Variants in CSMD1 observed in about 807,000 individuals in gnomAD.
CSMD1 encodes the protein CUB and sushi domain-containing protein 1.
Under a neutral mutation model 417.5 loss-of-function variants are expected in CSMD1, and 213 were observed. The observed-to-expected ratio is 0.51, with a 90% CI of 0.46 to 0.57. CSMD1 has a LOEUF of 0.57. Among genes scored for constraint, CSMD1 ranks in the 20% least tolerant of loss-of-function variants. CSMD1 has a pLI of 0.00. For missense variants in CSMD1, 6,923 were observed against 4,529.7 expected, an observed-to-expected ratio of 1.53 and a Z score of -15.17; for synonymous variants, 2,862 against 1,736.8, an observed-to-expected ratio of 1.65 and a Z score of -16.11.
chr8:3,692,348 C>A (rs573048001), intron 7 of CSMD1, among the ~76,000 whole-genome samples: 3 of 152,208 alleles, frequency 2.0e-5, no homozygotes, highest in African/African-American at 7.2e-5. Flanking sequence ...CTCAGAGAAA[C>A]AGACTCAGGA....
chr8:3,230,504 A>G (rs1196601367), intron 26 of CSMD1, among the ~76,000 whole-genome samples: 3 of 152,182 alleles, frequency 2.0e-5, no homozygotes, highest in Admixed American at 2.0e-4. Context: ...CAAAAATTAC[A>G]TTATCCTTAG....
intron 14 of CSMD1, among the ~76,000 whole-genome samples, chr8:3,407,464 A>G (rs1812423419): frequency 6.6e-6 from 1 of 151,682 alleles, no homozygotes; most frequent in Non-Finnish European, 1.5e-5. Context: ...TGGATGGAAG[A>G]AAGGATGGAT....
chr8:3,833,480 C>T (rs569379562), intron 5 of CSMD1, among the ~76,000 whole-genome samples: 1 of 152,100 alleles, frequency 6.6e-6, no homozygotes, highest in South Asian at 2.1e-4. Flanking sequence ...ATCTTATTTT[C>T]CTACTATAAC....
intron 62 of CSMD1, among the ~76,000 whole-genome samples, 198 bp downstream of exon 62, chr8:2,960,943 T>G (rs1179556884): frequency 1.0e-5 from 1 of 98,806 alleles, no homozygotes; most frequent in Non-Finnish European, 1.9e-5. Context: ...AAGCAAGATA[T>G]ATATATATAT....
chr8:4,040,144 T>G (rs1797812348), intron 3 of CSMD1, among the ~76,000 whole-genome samples: 1 of 152,096 alleles, frequency 6.6e-6, no homozygotes, highest in Non-Finnish European at 1.5e-5. Flanking sequence ...GGTATGAGAG[T>G]CAAGGCTATT....
intron 5 of CSMD1, among the ~76,000 whole-genome samples, chr8:3,915,436 G>A (rs1246714471): frequency 1.4e-5 from 2 of 144,140 alleles, no homozygotes; most frequent in East Asian, 4.0e-4. Flanking sequence ...AAAGAGTTTA[G>A]CATAGTAGGT....
intron 2 of CSMD1, among the ~76,000 whole-genome samples, chr8:4,486,200 CATACATAT>C (rs1563224020): frequency 2.0e-4 from 2 of 9,814 alleles, no homozygotes; most frequent in African/African-American, 3.6e-4. Flanking sequence ...TATATATATA[CATACATAT>C]ATATATATAT....
intron 12 of CSMD1, among the ~76,000 whole-genome samples, chr8:3,447,640 T>G (rs1278669004): frequency 6.6e-6 from 1 of 152,176 alleles, no homozygotes; most frequent in African/African-American, 2.4e-5. Context: ...TAAAGCAGTG[T>G]GTGCATTCTT....
chr8:4,222,777 A>T (rs1801118243), intron 3 of CSMD1, among the ~76,000 whole-genome samples: 1 of 152,182 alleles, frequency 6.6e-6, no homozygotes, highest in Non-Finnish European at 1.5e-5. Context: ...TAGCTCACCG[A>T]GTCATCATTA....
chr8:3,797,240 A>C (rs906340502), intron 5 of CSMD1, among the ~76,000 whole-genome samples: 2 of 151,982 alleles, frequency 1.3e-5, no homozygotes, highest in South Asian at 2.1e-4. Flanking sequence ...TCTATTTTCA[A>C]ACTCAAGTGG....
At chr8:3,520,039 T>TATATATATATATAC (rs545212684) in intron 10 of CSMD1, among the ~76,000 whole-genome samples, 4,944 of 146,886 alleles carry the variant, frequency 0.034, 94 homozygotes, top group Middle Eastern at 0.046. Context: ...TATATATATA[T>TATATATATATATAC]ACACGTATAG....
chr8:3,522,403 G>A (rs201363729), intron 10 of CSMD1, among the ~76,000 whole-genome samples: 5 of 152,114 alleles, frequency 3.3e-5, no homozygotes, highest in African/African-American at 1.2e-4. Flanking sequence ...TTTCCATTTC[G>A]TGTGGGGGTT....
intron 4 of CSMD1, among the ~76,000 whole-genome samples, chr8:4,026,378 T>A (rs1312930425): frequency 1.3e-5 from 2 of 152,244 alleles, no homozygotes; most frequent in African/African-American, 2.4e-5. Flanking sequence ...AAAAGCACAC[T>A]GATCTCATTG....
At chr8:3,473,331 T>C (rs1208473885) in intron 11 of CSMD1, among the ~76,000 whole-genome samples, 7 of 152,214 alleles carry the variant, frequency 4.6e-5, no homozygotes, top group East Asian at 3.8e-4. Flanking sequence ...AAGCCTGCTA[T>C]GTGACAGTTA....
chr8:3,879,501 A>G (rs541026870), intron 5 of CSMD1, among the ~76,000 whole-genome samples: 2 of 152,310 alleles, frequency 1.3e-5, no homozygotes, highest in African/African-American at 2.4e-5. Context: ...AGACCAAGTT[A>G]CCGTGAGAGC....
intron 7 of CSMD1, among the ~76,000 whole-genome samples, chr8:3,620,891 G>GGTT (rs1802391902): frequency 6.6e-6 from 1 of 151,900 alleles, no homozygotes; most frequent in Non-Finnish European, 1.5e-5. Flanking sequence ...TCCCCGCAAA[G>GGTT]GGTTACACCT....
chr8:3,409,377 A>G, intron 13 of CSMD1, 46 bp downstream of exon 13: 1 of 1,478,918 alleles, frequency 6.8e-7, no homozygotes, highest in East Asian at 2.4e-5. Context: ...CCCTTGCAAG[A>G]TCCTTGCAGG....
At chr8:4,056,035 A>G (rs139516541) in intron 3 of CSMD1, among the ~76,000 whole-genome samples, 66 of 149,916 alleles carry the variant, frequency 4.4e-4, no homozygotes, top group Non-Finnish European at 8.7e-4. Context: ...TCCTGGGAAA[A>G]TTGAACTCAA....
At chr8:3,760,269 C>T (rs909548905) in intron 5 of CSMD1, among the ~76,000 whole-genome samples, 2 of 152,144 alleles carry the variant, frequency 1.3e-5, no homozygotes, top group East Asian at 1.9e-4. Context: ...GTTGTTCCCA[C>T]TTTTTTCCCC....
Sources: allele counts gnomAD v4.1 joint callset (sites outside exome capture counted in the v4.1 genomes callset), GRCh38; gene constraint gnomAD v4.1.1; transcripts MANE v1.5; gene names NCBI Gene and HGNC (gene_info 2026-07-23, HGNC 2026-07-21).